The following PIP4K2A variants were observed in gnomAD, a reference collection of about 807,000 sequenced individuals.
The protein encoded by PIP4K2A is phosphatidylinositol-5-phosphate 4-kinase type 2 alpha.
In PIP4K2A, 14 loss-of-function variants were observed where a neutral mutation model predicts 42.9. The ratio of observed to expected loss-of-function variants is 0.33; its 90% CI spans 0.22 to 0.51. PIP4K2A has a LOEUF of 0.51. PIP4K2A is among the 20% of genes least tolerant of loss of function. The pLI, the probability that PIP4K2A is intolerant of heterozygous loss-of-function variation, is 0.97. For missense variants in PIP4K2A, 434 were observed against 519.8 expected, an observed-to-expected ratio of 0.83 and a Z score of 1.61; for synonymous variants, 192 against 192.2, an observed-to-expected ratio of 1.00 and a Z score of 0.01.
intron 1 of PIP4K2A, among the ~76,000 whole-genome samples, chr10:22,661,107 TA>T (rs1368348124): frequency 6.6e-6 from 1 of 152,206 alleles, no homozygotes; most frequent in Non-Finnish European, 1.5e-5. Context: ...AGCTGATTTT[TA>T]AAAAGTGAAC....
intron 1 of PIP4K2A, among the ~76,000 whole-genome samples, chr10:22,661,293 T>G (rs1339224805): frequency 6.6e-6 from 1 of 152,068 alleles, no homozygotes; most frequent in Non-Finnish European, 1.5e-5. Context: ...ATTCATCTTG[T>G]TTTTGATTCA....
At chr10:22,688,654 C>T (rs1185056955) in intron 1 of PIP4K2A, among the ~76,000 whole-genome samples, 1 of 152,002 alleles carries the variant, frequency 6.6e-6, no homozygotes, top group African/African-American at 2.4e-5. Context: ...GGTCCTGCTA[C>T]GTTGCCTAGG....
chr10:22,626,634 C>T (rs913651441), intron 1 of PIP4K2A, among the ~76,000 whole-genome samples: 2 of 152,180 alleles, frequency 1.3e-5, no homozygotes, highest in African/African-American at 4.8e-5. Flanking sequence ...ATTCCATCAT[C>T]ACACTGAAGT....
chr10:22,591,760 G>A lies in PIP4K2A; in HGVS notation c.361C>T (p.Pro121Ser), dbSNP rs766438573. 6 of 1,612,300 alleles carry A rather than the reference G, an allele frequency of 3.7e-6. No individual in the cohort carries two copies. The highest frequency in any genetic ancestry group is 5.1e-6 in the Non-Finnish European group (6 of 1,179,038). The change falls in exon 4 of 10, where the codon CCC (proline) becomes TCC (serine). Residue 121 changes from proline (P) to serine (S), a missense_variant. This residue lies in a region of PIP4K2A where 395 missense variants were observed against 444.5 expected (regional missense o/e 0.89). Transcript: ENST00000376573. ...CGGGCCTGGGAGTCGTTGGGGAGGG[G>A]TGCGCTCCTGGTCAGGGAATTCTTC... ...DFQNSLTRSAPLPNDSQARSG... is the reference protein window; with the variant it reads ...DFQNSLTRSASLPNDSQARSG...
chr10:22,550,628 T>G, intron 7 of PIP4K2A, 31 bp downstream of exon 7: 46 of 1,113,424 alleles, frequency 4.1e-5, no homozygotes, highest in Non-Finnish European at 6.1e-5. Context: ...ATTTATACAA[T>G]GAGTCTGGCC....
rs1839105844 is a variant in PIP4K2A at position 22,656,558 on chromosome 10, G to A, written c.145-46841C>T. On this transcript the variant is annotated intron_variant, in intron 1 of 9. Coordinates refer to ENST00000376573, the MANE Select transcript of PIP4K2A (RefSeq NM_005028.5). ...ACGGTGGTTCACACCTGTAATCCCG[G>A]CACTTTGGGAGGCTGAGGCGGGTGG... 2.0e-5 allele frequency among the ~76,000 whole-genome samples: 3 copies of A among 152,164 alleles called. No individual in the cohort carries two copies. The South Asian group carries it at 6.2e-4, about 32-fold the overall frequency.
Position 22,714,336 on chromosome 10 carries a change from C to G in PIP4K2A, c.-10G>C. 6.3e-7 allele frequency: 1 copy of G among 1,590,420 alleles called. No individual in the cohort carries two copies. The highest frequency in any genetic ancestry group is 8.6e-7 in the Non-Finnish European group (1 of 1,168,608). On this transcript the variant is annotated 5_prime_UTR_variant, in exon 1 of 10. Coordinates refer to ENST00000376573, the MANE Select transcript of PIP4K2A (RefSeq NM_005028.5). The stretch of plus-strand genomic sequence containing the variant: ...TGCCGGGGGTCGCCATGGCCGCCTC[C>G]TATGTCCCCTCCACCGCCGTGCTCC...
rs550962030 is a variant in PIP4K2A, at chr10:22,535,746, T to C, written c.*1455A>G. On this transcript the variant is annotated 3_prime_UTR_variant, in exon 10 of 10. Transcript: ENST00000376573. ...CTTTTGGAAAATGCAGGAGAGTTGG[T>C]AGATACATGATCTAGGTTGGAAATT... 1.5e-5 allele frequency: 3 copies of C among 194,526 alleles called. No homozygotes were observed. The highest frequency in any genetic ancestry group is 2.3e-5 in the African/African-American group (1 of 43,624). 12.0% of individuals were successfully genotyped at this position (194,526 alleles called of 1,614,324 possible).
intron 1 of PIP4K2A, among the ~76,000 whole-genome samples, chr10:22,648,330 GTAGT>G: frequency 6.6e-6 from 1 of 152,290 alleles, no homozygotes; most frequent in Middle Eastern, 3.4e-3. Context: ...AGTCTGCTTA[GTAGT>G]TACTCTGTGA....
chr10:22,560,581 C>G (rs1836665344), intron 6 of PIP4K2A, among the ~76,000 whole-genome samples: 1 of 152,204 alleles, frequency 6.6e-6, no homozygotes, highest in African/African-American at 2.4e-5. Context: ...TGAGAATCGA[C>G]AAGGCGGCTT....
intron 3 of PIP4K2A, among the ~76,000 whole-genome samples, chr10:22,593,210 C>A (rs10741007): frequency 6.6e-6 from 1 of 152,212 alleles, no homozygotes; most frequent in Non-Finnish European, 1.5e-5. Context: ...CACCCTGGCA[C>A]CCCCTGTGGT....
chr10:22,608,075 C>G (rs893702791), intron 2 of PIP4K2A, 52 bp from the exon 3 acceptor site: 3 of 1,168,724 alleles, frequency 2.6e-6, no homozygotes, highest in African/African-American at 1.5e-5. Context: ...ATCAGACTTG[C>G]ATCTGCCACC....
At chr10:22,694,581 A>G (rs777506830) in intron 1 of PIP4K2A, 3 of 151,906 alleles carry the variant, frequency 2.0e-5, no homozygotes, top group Admixed American at 2.0e-4. Flanking sequence ...TTCCTGACCT[A>G]CTCTGTGATC....
At chr10:22,618,098 AGTTT>A in intron 1 of PIP4K2A, among the ~76,000 whole-genome samples, 1 of 152,312 alleles carries the variant, frequency 6.6e-6, no homozygotes, top group Non-Finnish European at 1.5e-5. Context: ...AGACTCTGCA[AGTTT>A]TGCAATTGCT....
At chr10:22,567,952 A>T (rs1836889237) in intron 5 of PIP4K2A, 63 bp from the exon 6 acceptor site, 2 of 1,434,504 alleles carry the variant, frequency 1.4e-6, no homozygotes, top group Admixed American at 3.3e-5. Context: ...CACGCAGAAA[A>T]TATGAAAATG....
At chr10:22,678,223 C>T (rs542334780) in intron 1 of PIP4K2A, among the ~76,000 whole-genome samples, 2 of 151,826 alleles carry the variant, frequency 1.3e-5, no homozygotes, top group African/African-American at 4.8e-5. Flanking sequence ...AAATGAGATA[C>T]CAGGGACCAG....
At chr10:22,585,355 A>G (rs190084887) in intron 4 of PIP4K2A, among the ~76,000 whole-genome samples, 13 of 152,324 alleles carry the variant, frequency 8.5e-5, no homozygotes, top group African/African-American at 3.1e-4. Flanking sequence ...GGATTCAACT[A>G]AAGATATTAA....
intron 1 of PIP4K2A, among the ~76,000 whole-genome samples, chr10:22,708,398 C>T (rs995843861): frequency 2.0e-5 from 3 of 151,958 alleles, no homozygotes; most frequent in Non-Finnish European, 1.5e-5. Context: ...CGATTCTGTA[C>T]GGGCAGGTCT....
At chr10:22,558,507 C>T (rs1022005435) in intron 6 of PIP4K2A, among the ~76,000 whole-genome samples, 1 of 152,078 alleles carries the variant, frequency 6.6e-6, no homozygotes, top group Non-Finnish European at 1.5e-5. Flanking sequence ...AAATTTGATA[C>T]ATCAAAAGGC....
Sources: gnomAD v4.1 joint callset for allele counts (sites outside exome capture counted in the v4.1 genomes callset) on GRCh38, gnomAD v4.1.1 for gene constraint, gnomAD v4.1.1 regional missense constraint, MANE v1.5 for transcripts, NCBI Gene and HGNC (gene_info 2026-07-23, HGNC 2026-07-21) for gene names.